Variants in SRGAP3 observed in about 807,000 individuals in gnomAD.
The protein encoded by SRGAP3 is SLIT-ROBO Rho GTPase activating protein 3.
Under a neutral mutation model 121.1 loss-of-function variants are expected in SRGAP3, and 39 were observed. The observed-to-expected ratio is 0.32, with a 90% CI of 0.25 to 0.42. The LOEUF (loss-of-function observed/expected upper bound fraction) is 0.42. Among genes scored for constraint, SRGAP3 ranks in the 10% least tolerant of loss-of-function variants. The probability of loss-of-function intolerance (pLI) is 1.00; values close to 1 mark genes in which losing one functional copy is unlikely to be tolerated. For synonymous variants in SRGAP3, 601 were observed against 570.0 expected (o/e 1.05, Z -0.77); for missense variants, 1,213 against 1,470.6 (o/e 0.82, Z 2.86).
At chr3:9,165,225 C>T (rs867255382) in intron 1 of SRGAP3, among the ~76,000 whole-genome samples, 3 of 152,230 alleles carry the variant, frequency 2.0e-5, no homozygotes, top group South Asian at 4.1e-4. Context: ...GGTCATGCTA[C>T]CTGGGTCTGG....
chr3:9,026,870 C>G, intron 13 of SRGAP3, 65 bp downstream of exon 13: 1 of 1,561,292 alleles, frequency 6.4e-7, no homozygotes, highest in Non-Finnish European at 8.8e-7. Context: ...ATCTCATTTC[C>G]TATCAGAACA....
intron 17 of SRGAP3, among the ~76,000 whole-genome samples, chr3:9,011,177 A>T (rs1943353430): frequency 6.6e-6 from 1 of 152,174 alleles, no homozygotes; most frequent in African/African-American, 2.4e-5. Flanking sequence ...GACAAGAAAA[A>T]AAACCGAAGT....
chr3:9,332,605 A>AT (rs1955627330), intron 1 of SRGAP3, among the ~76,000 whole-genome samples: 1 of 152,258 alleles, frequency 6.6e-6, no homozygotes, highest in Non-Finnish European at 1.5e-5. Context: ...AAAAAAAAGA[A>AT]TGTCAAGAGA....
intron 3 of SRGAP3, chr3:9,256,627 C>T (rs1161650400): frequency 2.5e-6 from 1 of 393,144 alleles, no homozygotes; most frequent in African/African-American, 2.1e-5. Flanking sequence ...TTGATGAGAC[C>T]TTAGTCTGAT....
chr3:9,135,901 C>T (rs1949627150), intron 1 of SRGAP3, among the ~76,000 whole-genome samples: 1 of 152,208 alleles, frequency 6.6e-6, no homozygotes, highest in Admixed American at 6.5e-5. Flanking sequence ...GGGAATAATA[C>T]CTTCCCCCCT....
chr3:9,017,834 A>G (rs1297990233), intron 14 of SRGAP3, among the ~76,000 whole-genome samples: 1 of 152,222 alleles, frequency 6.6e-6, no homozygotes, highest in African/African-American at 2.4e-5. Context: ...CACCTTGAAT[A>G]TCTGTCATTT....
chr3:9,266,227 TG>T (rs879211459), intron 3 of SRGAP3, among the ~76,000 whole-genome samples: 1 of 152,020 alleles, frequency 6.6e-6, no homozygotes, highest in East Asian at 1.9e-4. Context: ...TGTCATGGCA[TG>T]GGGGGCAAGG....
intron 1 of SRGAP3, among the ~76,000 whole-genome samples, chr3:9,237,379 C>CA (rs1003297484): frequency 1.3e-5 from 2 of 151,810 alleles, no homozygotes; most frequent in African/African-American, 4.8e-5. Flanking sequence ...TTCTAGGTGC[C>CA]AAAAAACACT....
At chr3:9,013,581 C>G in intron 16 of SRGAP3, 46 bp from the exon 17 acceptor site, 1 of 1,604,006 alleles carries the variant, frequency 6.2e-7, no homozygotes. Flanking sequence ...AAGGCAAGTC[C>G]TCCCCCTGTG....
chr3:9,226,434 G>A (rs968312507), intron 1 of SRGAP3, among the ~76,000 whole-genome samples: 6 of 152,028 alleles, frequency 3.9e-5, no homozygotes, highest in African/African-American at 1.5e-4. Flanking sequence ...ACCCAGCCTC[G>A]AGCACCTCCT....
At chr3:9,057,707 CT>C (rs1560029355) in intron 7 of SRGAP3, among the ~76,000 whole-genome samples, 1 of 152,184 alleles carries the variant, frequency 6.6e-6, no homozygotes, top group Non-Finnish European at 1.5e-5. Flanking sequence ...TTTTGTAAGC[CT>C]TGGGTAACGA....
At chr3:9,164,735 T>C (rs1950723306) in intron 1 of SRGAP3, among the ~76,000 whole-genome samples, 1 of 152,208 alleles carries the variant, frequency 6.6e-6, no homozygotes, top group Admixed American at 6.5e-5. Flanking sequence ...ACAATATAGG[T>C]ATTTCAGGTA....
chr3:9,348,479 G>T (rs577445816), intron 1 of SRGAP3: 6 of 715,766 alleles, frequency 8.4e-6, no homozygotes, highest in Non-Finnish European at 1.3e-5. Context: ...CCAGCATGGC[G>T]AGAGCATGTG....
At chr3:9,149,011 C>T (rs1950119065) in intron 1 of SRGAP3, among the ~76,000 whole-genome samples, 1 of 152,058 alleles carries the variant, frequency 6.6e-6, no homozygotes, top group Admixed American at 6.5e-5. Flanking sequence ...GTCGGGAGTT[C>T]GAGACGAGCC....
intron 1 of SRGAP3, among the ~76,000 whole-genome samples, chr3:9,199,826 A>T (rs1952019590): frequency 6.6e-6 from 1 of 152,228 alleles, no homozygotes; most frequent in Admixed American, 6.5e-5. Flanking sequence ...ACCAAGCCCC[A>T]TCCAAAAAGA....
upstream of SRGAP3, among the ~76,000 whole-genome samples, chr3:9,253,181 A>G (rs902805374): frequency 2.6e-5 from 4 of 152,198 alleles, no homozygotes; most frequent in African/African-American, 9.7e-5. Context: ...AAAGCTAGCT[A>G]GTAACTTAAT....
intron 1 of SRGAP3, among the ~76,000 whole-genome samples, chr3:9,151,783 A>T (rs1263609281): frequency 6.6e-6 from 1 of 152,224 alleles, no homozygotes; most frequent in Non-Finnish European, 1.5e-5. Context: ...GCCAGCAAGG[A>T]GCTCAAGGGA....
chr3:8,989,376 G>C lies in SRGAP3; in HGVS notation c.2886+1136C>G, dbSNP rs112546822. Among the ~76,000 whole-genome samples the C allele has an allele frequency of 3.8e-3, 580 of 152,338 alleles. 4 individuals are homozygous for C. Among genetic ancestry groups the C allele is most frequent in the Middle Eastern group, 0.01 (3 of 294 alleles). On this transcript the variant is annotated intron_variant, in intron 21 of 21. Coordinates refer to ENST00000383836, the MANE Select transcript of SRGAP3 (RefSeq NM_014850.4). ...TGGGAATGGGCATGGGGCCAAACTA[G>C]AGCCTGCTGGTGTGAACAGGAGTAC...
intron 1 of SRGAP3, among the ~76,000 whole-genome samples, chr3:9,164,963 C>T (rs1047293147): frequency 2.0e-5 from 3 of 152,242 alleles, no homozygotes; most frequent in Non-Finnish European, 2.9e-5. Context: ...TTCCCTGCTC[C>T]GTCTCTGGGT....
Sources: allele counts gnomAD v4.1 joint callset (sites outside exome capture counted in the v4.1 genomes callset), GRCh38; gene constraint gnomAD v4.1.1; transcripts MANE v1.5; gene names NCBI Gene and HGNC (gene_info 2026-07-23, HGNC 2026-07-21).